The following STK24 variants were observed in gnomAD, a reference collection of about 807,000 sequenced individuals.
The protein encoded by STK24 is serine/threonine-protein kinase 24.
In STK24, 21 loss-of-function variants were observed where a neutral mutation model predicts 55.6. That is an observed-to-expected ratio of 0.38 (90% CI 0.27 to 0.54). STK24 has a LOEUF of 0.54. Ranked by LOEUF, STK24 falls within the 20% of genes least tolerant of loss-of-function variation. The probability of loss-of-function intolerance (pLI) is 0.79; values close to 1 mark genes in which losing one functional copy is unlikely to be tolerated. For synonymous variants in STK24, 200 were observed against 215.2 expected (o/e 0.93, Z 0.62); for missense variants, 383 against 538.4 (o/e 0.71, Z 2.86).
At chr13:98,456,989 A>G (rs1236077968) in intron 10 of STK24, 179 bp downstream of exon 10, 1 of 766,828 alleles carries the variant, frequency 1.3e-6, no homozygotes, top group African/African-American at 1.8e-5. Flanking sequence ...CAGATCCTTC[A>G]TTCACATTGA....
rs1449737862 is a variant in STK24 at position 98,445,870 on chromosome 13, G to A, written c.*7303C>T. The A allele has an allele frequency of 5.6e-5, 28 of 500,318 alleles. No homozygotes were observed. The highest frequency in any genetic ancestry group is 1.0e-4 in the Non-Finnish European group (28 of 278,320). 31.0% of individuals were successfully genotyped at this position (500,318 alleles called of 1,614,324 possible). On this transcript the variant is annotated 3_prime_UTR_variant, in exon 11 of 11. Transcript: ENST00000539966. The stretch of plus-strand genomic sequence containing the variant: ...CAGGACCTCAACGTGTCTTTTGGGG[G>A]GACACAGGGACCCCAAGATGCCCCA...
rs773362468 is a variant in STK24 at position 98,446,776 on chromosome 13, C to A, written c.*6397G>T. On this transcript the variant is annotated 3_prime_UTR_variant, in exon 11 of 11. Transcript: ENST00000539966. The stretch of plus-strand genomic sequence containing the variant: ...TGTTCAAGCTGCACTTCAAGTCCCA[C>A]GTCTACTACTTCAGGGCGGAAAGCG... 6 of 1,614,100 alleles carry A rather than the reference C, an allele frequency of 3.7e-6. No homozygotes were observed. In the Admixed American group the frequency reaches 6.7e-5, roughly 18 times the overall value.
At chr13:98,576,401 C>T (rs1486170993) in intron 1 of STK24, among the ~76,000 whole-genome samples, 1 of 152,082 alleles carries the variant, frequency 6.6e-6, no homozygotes, top group African/African-American at 2.4e-5. Flanking sequence ...AAGGGCATCA[C>T]TCCACCTCAC....
At position 98,457,465 on chromosome 13, in the gene STK24, CTTT is replaced by C. The variant is rs11351684; in HGVS notation, c.1123-164_1123-162del. Among the ~76,000 whole-genome samples the C allele has an allele frequency of 3.6e-3, 403 of 110,780 alleles. 1 individual carries two copies. The highest frequency in any genetic ancestry group is 0.014 in the Middle Eastern group (3 of 222). 72.7% of individuals were successfully genotyped at this position (110,780 alleles called of 152,430 possible). On this transcript the variant is annotated intron_variant, in intron 9 of 10. Transcript: ENST00000539966. Reference sequence around the variant, plus strand: ...TAGGGCTCCAGGCCACTTCAAATTGCTTTTTTTTTTTTTTTTTTTTGTGAGACG... The same window carrying C: ...TAGGGCTCCAGGCCACTTCAAATTGCTTTTTTTTTTTTTTTTTGTGAGACG...
intron 1 of STK24, among the ~76,000 whole-genome samples, chr13:98,575,082 TCATTA>T (rs1897847268): frequency 6.6e-6 from 1 of 152,188 alleles, no homozygotes; most frequent in African/African-American, 2.4e-5. Flanking sequence ...TTTTTTTAAA[TCATTA>T]CAAGAGTCCT....
chr13:98,445,341 C>G lies in STK24; in HGVS notation c.*7832G>C, dbSNP rs1393978602. On this transcript the variant is annotated 3_prime_UTR_variant, in exon 11 of 11. Transcript: ENST00000539966. ...TGGTGATGTCACTTTGGCAAAGGGA[C>G]GAAATGAGCCACCAGTGCGTCAGGC... The G allele has an allele frequency of 6.6e-6, 1 of 152,260 alleles. No homozygotes were observed. The highest frequency in any genetic ancestry group is 1.5e-5 in the Non-Finnish European group (1 of 68,052). The allele number at this position is 152,260 out of a possible 1,614,324, so 9.4% of individuals were successfully genotyped here.
intron 2 of STK24, among the ~76,000 whole-genome samples, chr13:98,518,043 C>G (rs552698596): frequency 6.6e-6 from 1 of 152,286 alleles, no homozygotes; most frequent in Admixed American, 6.5e-5. Context: ...AAAACTCACT[C>G]AAGGCCACAC....
At chr13:98,521,676 G>A (rs1896264570) in intron 1 of STK24, 4 of 697,790 alleles carry the variant, frequency 5.7e-6, no homozygotes, top group Admixed American at 3.9e-5. Flanking sequence ...GCAGCTTTCG[G>A]GGATGCGGGG....
Position 98,446,494 on chromosome 13 carries a change from C to A in STK24, c.*6679G>T. On this transcript the variant is annotated 3_prime_UTR_variant, in exon 11 of 11. Transcript: ENST00000539966. ...ACAGCTCAGTCCTGGCGGGACTTGC[C>A]ACCCGGGCCATCACGTACAGGCAAA... 1 of 669,230 alleles carries A rather than the reference C, an allele frequency of 1.5e-6. No individual in the cohort carries two copies. The highest frequency in any genetic ancestry group is 2.5e-6 in the Non-Finnish European group (1 of 392,830). 41.5% of individuals were successfully genotyped at this position (669,230 alleles called of 1,614,324 possible).
chr13:98,499,491 G>A (rs1014380634), intron 2 of STK24, among the ~76,000 whole-genome samples: 2 of 152,168 alleles, frequency 1.3e-5, no homozygotes, highest in Non-Finnish European at 2.9e-5. Flanking sequence ...CTAATTCACT[G>A]AGTCCTGGCT....
chr13:98,472,142 C>T (rs1894176879), intron 5 of STK24, among the ~76,000 whole-genome samples: 1 of 152,170 alleles, frequency 6.6e-6, no homozygotes, highest in Non-Finnish European at 1.5e-5. Context: ...GCTGCCAGTC[C>T]AGAGCCACGC....
chr13:98,460,503 A>G, intron 8 of STK24, 63 bp from the exon 9 acceptor site: 1 of 1,347,814 alleles, frequency 7.4e-7, no homozygotes. Context: ...CAATAATTTA[A>G]TAAACCTCCC....
intron 1 of STK24, among the ~76,000 whole-genome samples, chr13:98,565,730 A>G (rs1897550055): frequency 6.6e-6 from 1 of 152,156 alleles, no homozygotes; most frequent in Admixed American, 6.5e-5. Context: ...CTGAAAGGCA[A>G]TGAACAGGAG....
intron 1 of STK24, among the ~76,000 whole-genome samples, chr13:98,567,583 G>T (rs969820894): frequency 6.6e-6 from 1 of 152,188 alleles, no homozygotes; most frequent in Non-Finnish European, 1.5e-5. Context: ...CCGACCAGTA[G>T]AGAGATGGAA....
intron 2 of STK24, among the ~76,000 whole-genome samples, chr13:98,487,495 C>T (rs942431696): frequency 2.0e-5 from 3 of 151,562 alleles, no homozygotes; most frequent in Non-Finnish European, 2.9e-5. Flanking sequence ...GCCCCCATTA[C>T]CCAGCAAACC....
At chr13:98,530,674 C>A (rs998998363) in intron 1 of STK24, among the ~76,000 whole-genome samples, 3 of 152,138 alleles carry the variant, frequency 2.0e-5, no homozygotes, top group African/African-American at 7.2e-5. Context: ...AGCTGTGGTG[C>A]GCTGCTGCAA....
chr13:98,561,977 C>CAAAAA lies in STK24; in HGVS notation c.42+14763_42+14767dup, dbSNP rs10564690. Among the ~76,000 whole-genome samples, 45 of 53,594 alleles carry CAAAAA rather than the reference C, an allele frequency of 8.4e-4. 1 individual carries two copies. Among genetic ancestry groups the CAAAAA allele is most frequent in the African/African-American group, 2.8e-4 (4 of 14,518 alleles). The allele number at this position is 53,594 out of a possible 152,430, so 35.2% of individuals were successfully genotyped here. ...GGGTCAACAGAGTGAGACTCCGTCT[C>CAAAAA]AAAAAAAAAAAAAAAAAAAAAAAAA... is the stretch of plus-strand genomic sequence containing the variant. On this transcript the variant is annotated intron_variant, in intron 1 of 10. Transcript: ENST00000539966.
rs1893249923 is a variant in STK24, at chr13:98,452,539, C to T, written c.*634G>A. ...AGGGGCATTAATTATTAATGACAAA[C>T]CCTGCAAATACAAAATAAAACCCAA... On this transcript the variant is annotated 3_prime_UTR_variant, in exon 11 of 11. Coordinates refer to ENST00000539966, the MANE Select transcript of STK24 (RefSeq NM_001032296.4). The T allele has an allele frequency of 1.3e-5, 2 of 152,650 alleles. No individual in the cohort carries two copies. Among genetic ancestry groups the T allele is most frequent in the Middle Eastern group, 6.8e-3 (2 of 294 alleles). 9.5% of individuals were successfully genotyped at this position (152,650 alleles called of 1,614,324 possible). A position where few individuals can be genotyped will look rare whatever the true frequency, so the allele number is the denominator to read the frequency against.
chr13:98,485,340 A>G (rs536617344), intron 2 of STK24, among the ~76,000 whole-genome samples: 1 of 152,282 alleles, frequency 6.6e-6, no homozygotes, highest in South Asian at 2.1e-4. Flanking sequence ...TAAGAGATGA[A>G]ATCACGGGGA....
Sources: gnomAD v4.1 joint callset for allele counts (sites outside exome capture counted in the v4.1 genomes callset) on GRCh38, gnomAD v4.1.1 for gene constraint, MANE v1.5 for transcripts, NCBI Gene and HGNC (gene_info 2026-07-23, HGNC 2026-07-21) for gene names.